The following CDC42BPA variants were observed in gnomAD, a reference collection of about 807,000 sequenced individuals.
CDC42BPA encodes CDC42 binding protein kinase alpha, also known as serine/threonine-protein kinase MRCK alpha.
A neutral mutation model predicts 223.5 loss-of-function variants in CDC42BPA; 80 were observed. The ratio of observed to expected loss-of-function variants is 0.36; its 90% CI spans 0.30 to 0.43. The LOEUF is 0.43. Among genes scored for constraint, CDC42BPA ranks in the 20% least tolerant of loss-of-function variants. The probability of loss-of-function intolerance (pLI) is 1.00; values close to 1 mark genes in which losing one functional copy is unlikely to be tolerated. For missense variants in CDC42BPA, 1,743 were observed against 2,099.9 expected (o/e 0.83, Z 3.32); for synonymous variants, 694 against 718.6 (o/e 0.97, Z 0.55).
At chr1:227,170,454 CA>C (rs34397130) in intron 5 of CDC42BPA, among the ~76,000 whole-genome samples, 117 of 101,536 alleles carry the variant, frequency 1.2e-3, no homozygotes, top group Middle Eastern at 5.8e-3. Context: ...GACTCATGAG[CA>C]AAAAAAAAAA....
intron 10 of CDC42BPA, among the ~76,000 whole-genome samples, chr1:227,130,129 T>C (rs1048089125): frequency 2.0e-5 from 3 of 152,192 alleles, no homozygotes; most frequent in African/African-American, 7.2e-5. Flanking sequence ...AAAGAAAACA[T>C]TTTTTACCAT....
chr1:227,282,467 G>C (rs979627878), intron 1 of CDC42BPA, among the ~76,000 whole-genome samples: 6 of 152,324 alleles, frequency 3.9e-5, no homozygotes, highest in Non-Finnish European at 8.8e-5. Context: ...TGAGGACTGT[G>C]ATAGCAGCTA....
At chr1:227,202,066 C>T (rs1020204031) in intron 3 of CDC42BPA, among the ~76,000 whole-genome samples, 12 of 152,186 alleles carry the variant, frequency 7.9e-5, no homozygotes, top group Non-Finnish European at 1.5e-5. Flanking sequence ...TCACTGCAAC[C>T]TCTGCCTCCG....
chr1:227,182,020 G>A (rs1256849770), intron 5 of CDC42BPA, among the ~76,000 whole-genome samples: 1 of 152,068 alleles, frequency 6.6e-6, no homozygotes, highest in Non-Finnish European at 1.5e-5. Context: ...AATATAAGGG[G>A]AAAATGATTA....
chr1:227,064,880 G>C (rs1053634819), intron 21 of CDC42BPA, among the ~76,000 whole-genome samples: 1 of 152,036 alleles, frequency 6.6e-6, no homozygotes, highest in Non-Finnish European at 1.5e-5. Flanking sequence ...GGCAGATCAC[G>C]AAGTCAGGAG....
intron 11 of CDC42BPA, among the ~76,000 whole-genome samples, chr1:227,126,088 C>T (rs1015917715): frequency 6.6e-6 from 1 of 151,898 alleles, no homozygotes; most frequent in East Asian, 1.9e-4. Context: ...ATCCTGCCTT[C>T]CAGCTGCCTC....
intron 2 of CDC42BPA, chr1:227,219,130 T>C: frequency 6.6e-6 from 1 of 152,214 alleles, no homozygotes; most frequent in East Asian, 1.9e-4. Context: ...AGGGCCAAAG[T>C]AAAAGATCTT....
At chr1:227,203,937 T>A (rs974667879) in intron 3 of CDC42BPA, among the ~76,000 whole-genome samples, 1 of 152,192 alleles carries the variant, frequency 6.6e-6, no homozygotes, top group Non-Finnish European at 1.5e-5. Context: ...CTCATCAGAC[T>A]AACAAGCTTA....
chr1:227,134,626 T>C (rs1658115857), intron 10 of CDC42BPA, among the ~76,000 whole-genome samples: 2 of 152,222 alleles, frequency 1.3e-5, no homozygotes, highest in South Asian at 4.1e-4. Context: ...ACATTCCTGG[T>C]CATGGGCAGT....
Position 227,193,823 on chromosome 1 carries a change from C to T in CDC42BPA, c.562G>A (p.Ala188Thr). Reference protein sequence around the residue: ...ARFYLAEMVIAIDSVHQLHYV... With the variant: ...ARFYLAEMVITIDSVHQLHYV... ...TGTAGCTGATGAACTGAGTCAATTG[C>T]TATCACCATCTCAGCCAAGTAAAAT... The change falls in exon 5 of 37, where the codon GCA becomes ACA. Residue 188 changes from alanine (A) to threonine (T), a missense_variant. Physicochemically the swap from Ala to Thr is moderately conservative, Grantham distance 58 (BLOSUM62 0). Around this residue, in one of 6 missense-constraint regions of CDC42BPA, gnomAD observed 321 missense variants for 488.7 expected, o/e 0.66. Transcript: ENST00000366766. The T allele has an allele frequency of 6.2e-7, 1 of 1,613,238 alleles. No homozygotes were observed. Among genetic ancestry groups the T allele is most frequent in the East Asian group, 2.2e-5 (1 of 44,816 alleles).
intron 21 of CDC42BPA, among the ~76,000 whole-genome samples, chr1:227,054,399 G>A (rs889983092): frequency 1.3e-5 from 2 of 152,100 alleles, no homozygotes; most frequent in East Asian, 1.9e-4. Context: ...CTACTTTCTC[G>A]CATTAAAATT....
chr1:227,089,526 G>C (rs1682649880), intron 16 of CDC42BPA, among the ~76,000 whole-genome samples: 1 of 151,250 alleles, frequency 6.6e-6, no homozygotes, highest in African/African-American at 2.4e-5. Context: ...ATACTGCCCT[G>C]TAACCACTGG....
At chr1:227,006,909 G>A (rs553384348) in intron 34 of CDC42BPA, among the ~76,000 whole-genome samples, 31 of 67,256 alleles carry the variant, frequency 4.6e-4, no homozygotes, top group Admixed American at 1.5e-3. Context: ...ACTGCACTCC[G>A]GCCTGGGCGT....
At chr1:227,170,397 C>T (rs1050861428) in intron 5 of CDC42BPA, among the ~76,000 whole-genome samples, 1 of 148,468 alleles carries the variant, frequency 6.7e-6, no homozygotes, top group East Asian at 2.0e-4. Context: ...ACTCATGCTG[C>T]ATAGAGAAGA....
intron 34 of CDC42BPA, among the ~76,000 whole-genome samples, chr1:227,006,580 T>C (rs1237997539): frequency 6.6e-6 from 1 of 152,180 alleles, no homozygotes; most frequent in Non-Finnish European, 1.5e-5. Context: ...CTCATGAGTA[T>C]GAGTAACAAC....
Position 227,227,607 on chromosome 1 carries a change from C to G in CDC42BPA, c.271-14388G>C, listed in dbSNP as rs375678033. On this transcript the variant is annotated intron_variant, in intron 2 of 36. Transcript: ENST00000366766. ...GGCATGGCATCAAAATTAAGTGCAT[C>G]TAAGAATACTAATGGATATCCAGGC... 7.2e-5 allele frequency among the ~76,000 whole-genome samples: 11 copies of G among 152,254 alleles called. No homozygotes were observed. In the South Asian group the frequency reaches 2.3e-3, roughly 32 times the overall value.
At position 227,027,253 on chromosome 1, in the gene CDC42BPA, G is replaced by C. The variant is rs556523684; in HGVS notation, c.4433-1101C>G. Among the ~76,000 whole-genome samples, 11 of 152,284 alleles carry C rather than the reference G, an allele frequency of 7.2e-5. No individual in the cohort carries two copies. In the East Asian group the frequency reaches 1.9e-3, roughly 27 times the overall value. On this transcript the variant is annotated intron_variant, in intron 30 of 36. Coordinates refer to ENST00000366766, the MANE Select transcript of CDC42BPA (RefSeq NM_001394014.1). ...GTGGGGGAAAAAAAAGTCTGGATGG[G>C]TAGAACTAGAGGTATTTTTCTTTTG...
At chr1:227,167,017 T>G (rs2149875883) in intron 5 of CDC42BPA, among the ~76,000 whole-genome samples, 1 of 152,204 alleles carries the variant, frequency 6.6e-6, no homozygotes, top group Non-Finnish European at 1.5e-5. Flanking sequence ...AGAAGTAGGA[T>G]CAAAGAAAAG....
intron 6 of CDC42BPA, among the ~76,000 whole-genome samples, chr1:227,148,708 A>G (rs1279276254): frequency 7.1e-6 from 1 of 139,972 alleles, no homozygotes; most frequent in African/African-American, 2.6e-5. Context: ...CGGAGCTTGC[A>G]GTAAGCCAAG....
Sources: allele counts gnomAD v4.1 joint callset (sites outside exome capture counted in the v4.1 genomes callset), GRCh38; gene constraint gnomAD v4.1.1; regional missense constraint gnomAD v4.1.1; transcripts MANE v1.5; gene names NCBI Gene and HGNC (gene_info 2026-07-23, HGNC 2026-07-21).